AP2B1: variants seen among roughly 807,000 people sequenced by gnomAD.
The protein encoded by AP2B1 is adaptor related protein complex 2 subunit beta 1.
A neutral mutation model predicts 102.0 loss-of-function variants in AP2B1; 23 were observed. The ratio of observed to expected loss-of-function variants is 0.23; its 90% CI spans 0.16 to 0.32. The LOEUF (loss-of-function observed/expected upper bound fraction) is 0.32, where lower values mean the gene tolerates loss of function less well. Ranked by LOEUF, AP2B1 falls within the 10% of genes least tolerant of loss-of-function variation. The probability of loss-of-function intolerance (pLI) is 1.00; values close to 1 mark genes in which losing one functional copy is unlikely to be tolerated. For missense variants in AP2B1, 541 were observed against 1,157.4 expected, an observed-to-expected ratio of 0.47 and a Z score of 7.73; for synonymous variants, 381 against 421.2, an observed-to-expected ratio of 0.90 and a Z score of 1.17.
At position 35,674,275 on chromosome 17, in the gene AP2B1, G is replaced by C. The variant is rs1181148994; in HGVS notation, c.2278G>C (p.Ala760Pro). ...IYMEMNFTNK[A>P]LQHMTDFAIQ... is the part of the protein sequence containing the mutation. ...TATGGAAATGAACTTCACCAATAAA[G>C]CTCTGCAGCACATGACAGATTTTGC... is the stretch of plus-strand genomic sequence containing the variant. The change falls in exon 17 of 22, where the codon GCT (alanine) becomes CCT (proline). Residue 760 changes from alanine to proline, a missense_variant. Transcript: ENST00000610402. 1 of 1,614,176 alleles carries C rather than the reference G, an allele frequency of 6.2e-7. No homozygotes were observed. The highest frequency in any genetic ancestry group is 8.5e-7 in the Non-Finnish European group (1 of 1,180,038).
At chr17:35,668,006 C>T (rs974427746) in intron 14 of AP2B1, among the ~76,000 whole-genome samples, 1 of 142,674 alleles carries the variant, frequency 7.0e-6, no homozygotes, top group Non-Finnish European at 1.5e-5. Flanking sequence ...GGCATGATCT[C>T]GGCTCACTGC....
chr17:35,628,954 G>GTTT (rs2142593029), intron 9 of AP2B1, among the ~76,000 whole-genome samples: 1 of 150,584 alleles, frequency 6.6e-6, no homozygotes, highest in East Asian at 1.9e-4. Context: ...GAGGTTTTTT[G>GTTT]TTTTGTTTTG....
chr17:35,721,163 A>G (rs587615513), intron 21 of AP2B1, among the ~76,000 whole-genome samples: 46 of 152,288 alleles, frequency 3.0e-4, no homozygotes, highest in African/African-American at 1.0e-3. Flanking sequence ...ATTGTATTTT[A>G]TTAAGAAGAT....
In AP2B1 at chr17:35,624,042, A is replaced by G. The variant is rs189008685; in HGVS notation, c.526-355A>G. ...CCTAGATTTTTCTCTCTGTTGCCTA[A>G]TGTACATATTTCATATTCAGACTTT... On this transcript the variant is annotated intron_variant, in intron 5 of 21. Transcript: ENST00000610402. Among the ~76,000 whole-genome samples the G allele has an allele frequency of 1.6e-4, 25 of 152,304 alleles. 1 individual carries two copies. Among genetic ancestry groups the G allele is most frequent in the African/African-American group, 6.0e-4 (25 of 41,576 alleles).
At chr17:35,611,654 A>G (rs939569752) in intron 5 of AP2B1, among the ~76,000 whole-genome samples, 7 of 152,236 alleles carry the variant, frequency 4.6e-5, no homozygotes, top group Admixed American at 4.6e-4. Flanking sequence ...CAGGTGGCAT[A>G]CGTATGCTAT....
intron 1 of AP2B1, among the ~76,000 whole-genome samples, chr17:35,592,035 G>A (rs1451380206): frequency 1.3e-5 from 2 of 152,156 alleles, no homozygotes; most frequent in Non-Finnish European, 2.9e-5. Context: ...TAGCAAATGA[G>A]TCTAATTTCC....
intron 5 of AP2B1, among the ~76,000 whole-genome samples, chr17:35,617,991 CT>C (rs201409533): frequency 0.063 from 9,530 of 152,120 alleles, 410 homozygotes; most frequent in Middle Eastern, 0.11. Flanking sequence ...AACCTTGTTA[CT>C]ATGTAATCAG....
Position 35,601,290 on chromosome 17 carries a change from G to A in AP2B1, c.143+2955G>A, listed in dbSNP as rs538814044. On this transcript the variant is annotated intron_variant, in intron 3 of 21. Transcript: ENST00000610402. Reference sequence around the variant, plus strand: ...TTTTTGGGGGATGATAACATTTTGCGTAATTAGGATTCATAGTATTTTTCA... The same window carrying A: ...TTTTTGGGGGATGATAACATTTTGCATAATTAGGATTCATAGTATTTTTCA... 3.9e-4 allele frequency among the ~76,000 whole-genome samples: 59 copies of A among 152,250 alleles called. 1 individual carries two copies. The highest frequency in any genetic ancestry group is 2.7e-3 in the South Asian group (13 of 4,826).
At chr17:35,614,753 A>G (rs998517303) in intron 5 of AP2B1, among the ~76,000 whole-genome samples, 2 of 152,072 alleles carry the variant, frequency 1.3e-5, no homozygotes, top group African/African-American at 4.8e-5. Flanking sequence ...GCCAAATATA[A>G]TCTTTACCAA....
At chr17:35,610,964 A>T (rs1352606527) in intron 5 of AP2B1, among the ~76,000 whole-genome samples, 1 of 151,322 alleles carries the variant, frequency 6.6e-6, no homozygotes. Flanking sequence ...AATTCCAGGT[A>T]CTTGGGAGGC....
intron 21 of AP2B1, among the ~76,000 whole-genome samples, chr17:35,718,966 T>TGACACTC (rs1555591490): frequency 6.6e-6 from 1 of 152,182 alleles, no homozygotes; most frequent in East Asian, 1.9e-4. Flanking sequence ...AGGTGTTTCT[T>TGACACTC]GACACTCTTC....
chr17:35,645,183 G>T (rs369471779), intron 12 of AP2B1, among the ~76,000 whole-genome samples: 1 of 152,116 alleles, frequency 6.6e-6, no homozygotes, highest in Non-Finnish European at 1.5e-5. Context: ...CAATGTGGTC[G>T]GCTGAATTGT....
At chr17:35,662,676 A>G (rs72828083) in intron 14 of AP2B1, among the ~76,000 whole-genome samples, 9,473 of 151,722 alleles carry the variant, frequency 0.062, 391 homozygotes, top group Non-Finnish European at 0.09. Context: ...TAACTCTTGC[A>G]TATGTGTTAT....
intron 17 of AP2B1, among the ~76,000 whole-genome samples, chr17:35,679,372 G>A (rs773847229): frequency 6.6e-6 from 1 of 151,180 alleles, no homozygotes; most frequent in Non-Finnish European, 1.5e-5. Flanking sequence ...GGCCCCCTTG[G>A]TAGAAAGGGA....
chr17:35,658,953 T>G (rs1239243443), intron 14 of AP2B1, among the ~76,000 whole-genome samples: 1 of 152,242 alleles, frequency 6.6e-6, no homozygotes, highest in African/African-American at 2.4e-5. Context: ...AATTTATACA[T>G]TGACCAAGCT....
rs1555595308 is a variant in AP2B1, at chr17:35,726,277, GA to G, written c.*2579del. ...GCTTGAGACTCTGGAAAGAAATGGG[GA>G]GGGGGGGCAGGGGAAATGTTGCCCT... On this transcript the variant is annotated 3_prime_UTR_variant, in exon 22 of 22. Transcript: ENST00000610402. 1 of 151,270 alleles carries G rather than the reference GA, an allele frequency of 6.6e-6. No individual in the cohort carries two copies. Among genetic ancestry groups the G allele is most frequent in the African/African-American group, 2.4e-5 (1 of 41,184 alleles). The allele number at this position is 151,270 out of a possible 1,614,324, so 9.4% of individuals were successfully genotyped here.
rs190370903 is a variant in AP2B1 at position 35,645,269 on chromosome 17, G to A, written c.1536+3294G>A. ...AATTGGGTAGTGAGGTTCTGATGAT[G>A]CTACTTCCACTGATTCTGGACATGA... is the stretch of plus-strand genomic sequence containing the variant. On this transcript the variant is annotated intron_variant, in intron 12 of 21. Coordinates refer to ENST00000610402, the MANE Select transcript of AP2B1 (RefSeq NM_001030006.2). 1.2e-4 allele frequency among the ~76,000 whole-genome samples: 18 copies of A among 152,278 alleles called. No homozygotes were observed. The South Asian group carries it at 1.4e-3, about 12-fold the overall frequency.
chr17:35,657,302 G>T (rs1567918872), intron 13 of AP2B1, among the ~76,000 whole-genome samples: 1 of 152,132 alleles, frequency 6.6e-6, no homozygotes, highest in African/African-American at 2.4e-5. Flanking sequence ...GAGAACCATA[G>T]AATTCTCCTT....
chr17:35,672,251 T>C (rs2075604851), intron 16 of AP2B1, among the ~76,000 whole-genome samples: 1 of 152,208 alleles, frequency 6.6e-6, no homozygotes, highest in Non-Finnish European at 1.5e-5. Context: ...GTCATTTCTC[T>C]TATTCCTCTT....
Sources: gnomAD v4.1 joint callset for allele counts (sites outside exome capture counted in the v4.1 genomes callset) on GRCh38, gnomAD v4.1.1 for gene constraint, MANE v1.5 for transcripts, NCBI Gene and HGNC (gene_info 2026-07-23, HGNC 2026-07-21) for gene names.